The following GABRA5 variants were observed in gnomAD, a reference collection of about 807,000 sequenced individuals.
The protein encoded by GABRA5 is gamma-aminobutyric acid type A receptor subunit alpha5.
Under a neutral mutation model 47.3 loss-of-function variants are expected in GABRA5, and 18 were observed. The ratio of observed to expected loss-of-function variants is 0.38; its 90% CI spans 0.26 to 0.56. The LOEUF (loss-of-function observed/expected upper bound fraction) is 0.56, where lower values mean the gene tolerates loss of function less well. GABRA5 is among the 20% of genes least tolerant of loss of function. The pLI, the probability that GABRA5 is intolerant of heterozygous loss-of-function variation, is 0.71. For synonymous variants in GABRA5, 237 were observed against 229.3 expected (o/e 1.03, Z -0.30); for missense variants, 365 against 599.3 (o/e 0.61, Z 4.08).
chr15:26,943,741 C>A (rs759609144), intron 10 of GABRA5, among the ~76,000 whole-genome samples: 3 of 152,166 alleles, frequency 2.0e-5, no homozygotes, highest in Non-Finnish European at 4.4e-5. Flanking sequence ...CATTTTATCT[C>A]ATTTCACCAT....
At chr15:26,896,983 T>TAC (rs1893210753) in intron 6 of GABRA5, among the ~76,000 whole-genome samples, 2 of 66,394 alleles carry the variant, frequency 3.0e-5, no homozygotes, top group African/African-American at 8.7e-5. Context: ...CTCTACATCT[T>TAC]AGAGATGTAG....
At chr15:26,905,014 G>C (rs1020883506) in intron 6 of GABRA5, among the ~76,000 whole-genome samples, 4 of 152,120 alleles carry the variant, frequency 2.6e-5, no homozygotes, top group Admixed American at 2.6e-4. Context: ...AGTGGTGAGA[G>C]AGGGCATTTT....
At chr15:26,931,652 G>A (rs1894110610) in intron 7 of GABRA5, among the ~76,000 whole-genome samples, 1 of 152,148 alleles carries the variant, frequency 6.6e-6, no homozygotes, top group South Asian at 2.1e-4. Flanking sequence ...TTGGAAAATT[G>A]GGTTAAATAC....
rs981472640 is a variant in GABRA5, at chr15:26,886,339, C to G, written c.497+2782C>G. 3.3e-5 allele frequency among the ~76,000 whole-genome samples: 5 copies of G among 152,236 alleles called. No homozygotes were observed. In the South Asian group the frequency reaches 1.0e-3, roughly 32 times the overall value. On this transcript the variant is annotated intron_variant, in intron 6 of 10. Coordinates refer to ENST00000335625, the MANE Select transcript of GABRA5 (RefSeq NM_000810.4). ...CCAGCCAAGGTAAGCAGTTTTAATTCTAGAAGACAATGGGACACACTCTAT... is the reference window on the plus strand; with the variant it reads ...CCAGCCAAGGTAAGCAGTTTTAATTGTAGAAGACAATGGGACACACTCTAT...
intron 7 of GABRA5, among the ~76,000 whole-genome samples, chr15:26,924,012 G>A (rs1199329064): frequency 6.6e-6 from 1 of 151,658 alleles, no homozygotes; most frequent in Non-Finnish European, 1.5e-5. Context: ...TTTTACAATG[G>A]CTGCTTTAAA....
intron 10 of GABRA5, among the ~76,000 whole-genome samples, chr15:26,945,072 C>A (rs1405091832): frequency 6.6e-6 from 1 of 152,318 alleles, no homozygotes; most frequent in East Asian, 1.9e-4. Context: ...AAGTGACCTG[C>A]ACTGTCTAAT....
intron 7 of GABRA5, among the ~76,000 whole-genome samples, chr15:26,925,674 C>G (rs1893944575): frequency 6.6e-6 from 1 of 152,134 alleles, no homozygotes; most frequent in African/African-American, 2.4e-5. Flanking sequence ...TTCTCTTGAG[C>G]ACAGGTCCTT....
chr15:26,869,417 T>C, intron 3 of GABRA5, 83 bp downstream of exon 3: 3 of 847,348 alleles, frequency 3.5e-6, no homozygotes, highest in Non-Finnish European at 6.2e-6. Context: ...GCACATCCAT[T>C]GAGCAAGTCC....
At chr15:26,877,155 C>T (rs1446952161) in intron 3 of GABRA5, among the ~76,000 whole-genome samples, 1 of 152,206 alleles carries the variant, frequency 6.6e-6, no homozygotes, top group Admixed American at 6.5e-5. Flanking sequence ...TTCCATGGCA[C>T]AGACTCAGAG....
rs559440791 is a variant in GABRA5 at position 26,900,008 on chromosome 15, C to T, written c.498-14795C>T. On this transcript the variant is annotated intron_variant, in intron 6 of 10. Coordinates refer to ENST00000335625, the MANE Select transcript of GABRA5 (RefSeq NM_000810.4). Reference sequence around the variant, plus strand: ...TTTGTGTTTAATTGATGTTTTTTAGCGTACCACTTTAATTTTCATGTAATT... The same window carrying T: ...TTTGTGTTTAATTGATGTTTTTTAGTGTACCACTTTAATTTTCATGTAATT... 2.2e-3 allele frequency among the ~76,000 whole-genome samples: 337 copies of T among 152,002 alleles called. 1 individual carries two copies. Among genetic ancestry groups the T allele is most frequent in the Non-Finnish European group, 4.1e-3 (281 of 67,934 alleles).
chr15:26,883,188 C>A lies in GABRA5; in HGVS notation c.231C>A (p.Thr77=). Residue 77 remains threonine (T), a synonymous_variant, in exon 5 of 11, where the codon ACC becomes ACA. Coordinates refer to ENST00000335625, the MANE Select transcript of GABRA5 (RefSeq NM_000810.4). The surrounding 1 kb of genome is among the most constrained non-coding windows in gnomAD (Gnocchi z 4.8). ...CAGAGCGCATCACTCAGGTGAGGAC[C>A]GACATCTACGTCACCAGCTTCGGCC... ...GLGERITQVR[T]DIYVTSFGPV... 1 of 1,613,864 alleles carries A rather than the reference C, an allele frequency of 6.2e-7. No homozygotes were observed. The highest frequency in any genetic ancestry group is 8.5e-7 in the Non-Finnish European group (1 of 1,179,810).
intron 6 of GABRA5, among the ~76,000 whole-genome samples, chr15:26,885,734 G>A (rs148953582): frequency 2.8e-3 from 433 of 152,254 alleles, no homozygotes; most frequent in Non-Finnish European, 4.8e-3. Context: ...CATGGAAAAA[G>A]GAAGGGTTTG....
chr15:26,899,243 G>A (rs903410645), intron 6 of GABRA5, among the ~76,000 whole-genome samples: 2 of 152,116 alleles, frequency 1.3e-5, no homozygotes, highest in Non-Finnish European at 2.9e-5. Context: ...CCACATATTT[G>A]TGAAAGTTTC....
chr15:26,923,753 C>T (rs1362769856), intron 7 of GABRA5, among the ~76,000 whole-genome samples: 1 of 152,128 alleles, frequency 6.6e-6, no homozygotes, highest in African/African-American at 2.4e-5. Flanking sequence ...TTTTGTTACA[C>T]TGTCATTTTC....
At position 26,883,822 on chromosome 15, in the gene GABRA5, C is replaced by T. The variant is rs185545420; in HGVS notation, c.497+265C>T. 3.2e-3 allele frequency among the ~76,000 whole-genome samples: 484 copies of T among 152,200 alleles called. 2 individuals are homozygous for T. The highest frequency in any genetic ancestry group is 5.7e-3 in the Non-Finnish European group (385 of 68,004). On this transcript the variant is annotated intron_variant, in intron 6 of 10. Transcript: ENST00000335625. The surrounding 1 kb of genome is among the most constrained non-coding windows in gnomAD (Gnocchi z 4.8). ...TCAAGAGCATCTTTGGAACCATGGC[C>T]CATATAATGTCGGATAGGGAAAAAT...
rs1458662533 is a variant in GABRA5, at chr15:26,948,055, C to T, written c.1211C>T (p.Ser404Leu). 1.9e-6 allele frequency: 3 copies of T among 1,608,670 alleles called. No individual in the cohort carries two copies. In the African/African-American group the frequency reaches 4.0e-5, roughly 21 times the overall value. ...GGGACGTCGAATACAACCTCAGTCT[C>T]AGTAAAACCCTCTGAAGAGAAGACT... is the stretch of plus-strand genomic sequence containing the variant. ...PAGTSNTTSV[S>L]VKPSEEKTSE... Residue 404 changes from serine (S) to leucine (L), a missense_variant, in exon 11 of 11, where the codon TCA becomes TTA. Physicochemically the swap from Ser to Leu is moderately radical, Grantham distance 145. Coordinates refer to ENST00000335625, the MANE Select transcript of GABRA5 (RefSeq NM_000810.4).
intron 6 of GABRA5, among the ~76,000 whole-genome samples, chr15:26,902,987 G>T (rs1893360850): frequency 6.6e-6 from 1 of 152,062 alleles, no homozygotes; most frequent in Non-Finnish European, 1.5e-5. Context: ...AGGTTCAGGG[G>T]TACATGTGCA....
At chr15:26,915,013 A>G (rs1893687980) in intron 7 of GABRA5, 128 bp downstream of exon 7, 8 of 766,378 alleles carry the variant, frequency 1.0e-5, no homozygotes, top group Middle Eastern at 2.7e-4. Context: ...AGAAGCGTGG[A>G]GAGTGTATTG....
chr15:26,924,149 A>C (rs1893901693), intron 7 of GABRA5, among the ~76,000 whole-genome samples: 1 of 139,040 alleles, frequency 7.2e-6, no homozygotes, highest in South Asian at 2.4e-4. Context: ...TGTATATTAT[A>C]ATACAAGGCT....
Sources: allele counts gnomAD v4.1 joint callset (sites outside exome capture counted in the v4.1 genomes callset), GRCh38; gene constraint gnomAD v4.1.1; non-coding constraint Gnocchi (gnomAD v3.1); transcripts MANE v1.5; gene names NCBI Gene and HGNC (gene_info 2026-07-23, HGNC 2026-07-21).